Variants in PRR16 observed in about 807,000 individuals in gnomAD.
PRR16 encodes the protein proline rich 16.
A neutral mutation model predicts 18.2 loss-of-function variants in PRR16; 6 were observed. That is an observed-to-expected ratio of 0.33 (90% CI 0.18 to 0.65). PRR16 has a LOEUF of 0.65. PRR16 is among the 30% of genes least tolerant of loss of function. The pLI is 0.74. For synonymous variants in PRR16, 151 were observed against 147.8 expected (o/e 1.02, Z -0.16); for missense variants, 412 against 376.6 (o/e 1.09, Z -0.78).
the PRR16 span, among the ~76,000 whole-genome samples, chr5:120,745,696 AT>A: frequency 1.3e-5 from 2 of 149,698 alleles, no homozygotes; most frequent in Non-Finnish European, 3.0e-5. Context: ...TTATTTATTT[AT>A]TTATTTATTT....
intron 1 of PRR16, among the ~76,000 whole-genome samples, chr5:120,655,724 A>C (rs1475869795): frequency 1.8e-3 from 14 of 7,620 alleles, no homozygotes; most frequent in Non-Finnish European, 8.1e-3. Context: ...ATAGCAATTG[A>C]CTTTTTTTTT....
intron 1 of PRR16, chr5:120,658,039 G>A (rs1182913626): frequency 6.6e-6 from 1 of 151,880 alleles, no homozygotes; most frequent in African/African-American, 2.4e-5. Flanking sequence ...TGATGTTGTT[G>A]TTGTTGTTGT....
the PRR16 span, among the ~76,000 whole-genome samples, chr5:120,765,803 C>CCTGATTTCTAATCCCACTGTTTAGTTTT: frequency 1.3e-5 from 2 of 151,958 alleles, no homozygotes; most frequent in African/African-American, 4.8e-5. Context: ...TAATTTCTTT[C>CCTGATTTCTAATCCCACTGTTTAGTTTT]CTGATTTCTA....
In PRR16 at chr5:120,596,247, C is replaced by A. The variant is rs186699413; in HGVS notation, c.160-89707C>A. 4.0e-3 allele frequency among the ~76,000 whole-genome samples: 611 copies of A among 151,164 alleles called. 8 individuals carry two copies. Among genetic ancestry groups the A allele is most frequent in the South Asian group, 0.013 (61 of 4,800 alleles). Reference sequence around the variant, plus strand: ...AACCTGCTGAAGCTTATGGGAAAGTCTTTTTCTTTTCCTACATAAGGTACC... The same window carrying A: ...AACCTGCTGAAGCTTATGGGAAAGTATTTTTCTTTTCCTACATAAGGTACC... On this transcript the variant is annotated intron_variant, in intron 1 of 1. Transcript: ENST00000407149.
At chr5:120,583,097 G>A (rs1270496722) in intron 1 of PRR16, among the ~76,000 whole-genome samples, 1 of 152,216 alleles carries the variant, frequency 6.6e-6, no homozygotes, top group African/African-American at 2.4e-5. Context: ...TATGGTGGCT[G>A]TGTTCCAAGA....
At chr5:120,735,871 T>C in the PRR16 span, among the ~76,000 whole-genome samples, 1 of 152,214 alleles carries the variant, frequency 6.6e-6, no homozygotes, top group Non-Finnish European at 1.5e-5. Flanking sequence ...CCTGTGTTTT[T>C]GTGTTATTCA....
At chr5:120,528,416 T>C (rs1369661584) in intron 1 of PRR16, among the ~76,000 whole-genome samples, 2 of 152,158 alleles carry the variant, frequency 1.3e-5, no homozygotes, top group Non-Finnish European at 2.9e-5. Flanking sequence ...CTCAAGATAC[T>C]GACCAACTCT....
At chr5:120,504,403 T>C (rs1405788491) in intron 1 of PRR16, among the ~76,000 whole-genome samples, 1 of 152,214 alleles carries the variant, frequency 6.6e-6, no homozygotes, top group Non-Finnish European at 1.5e-5. Context: ...TCCTGCCAAG[T>C]GTTTCTTAAA....
chr5:120,488,780 G>A (rs1444418594), intron 1 of PRR16, among the ~76,000 whole-genome samples: 2 of 151,938 alleles, frequency 1.3e-5, no homozygotes, highest in East Asian at 3.9e-4. Context: ...TCTCTTGTGT[G>A]CATTTAGTGC....
At chr5:120,623,092 G>T (rs7737318) in intron 1 of PRR16, among the ~76,000 whole-genome samples, 59,133 of 151,734 alleles carry the variant, frequency 0.39, 12,153 homozygotes, top group Middle Eastern at 0.53. Context: ...ACTATTTACA[G>T]AATATACCAC....
intron 1 of PRR16, among the ~76,000 whole-genome samples, chr5:120,466,719 G>A (rs974032933): frequency 2.6e-5 from 4 of 152,092 alleles, no homozygotes; most frequent in African/African-American, 4.8e-5. Flanking sequence ...TTGTTTATAA[G>A]AGGAATAAAA....
At chr5:120,768,351 A>G in the PRR16 span, among the ~76,000 whole-genome samples, 6,557 of 151,836 alleles carry the variant, frequency 0.043, 186 homozygotes, top group South Asian at 0.078. Flanking sequence ...TAAATTATTC[A>G]TTTTAATCCC....
chr5:120,475,917 T>C (rs1749426638), intron 1 of PRR16, among the ~76,000 whole-genome samples: 1 of 151,848 alleles, frequency 6.6e-6, no homozygotes, highest in African/African-American at 2.4e-5. Flanking sequence ...TATGGAAGAG[T>C]ATTAAGGGTT....
At chr5:120,688,704 T>C (rs554532111), downstream of PRR16, among the ~76,000 whole-genome samples, 1 of 152,310 alleles carries the variant, frequency 6.6e-6, no homozygotes, top group Non-Finnish European at 1.5e-5. Flanking sequence ...TGTGACCTAA[T>C]AATCACCCTA....
intron 1 of PRR16, among the ~76,000 whole-genome samples, chr5:120,684,382 C>G (rs1757057611): frequency 6.6e-6 from 1 of 152,070 alleles, no homozygotes. Context: ...CGTCTAGATG[C>G]TTTTGGTGTT....
rs149293336 is a variant in PRR16 at position 120,508,032 on chromosome 5, C to T, written c.159+43387C>T. ...CCACTAAATAACTATATTTCTCAAC[C>T]TCTCCTACTAAATTGTGGTGCAGTC... is the stretch of plus-strand genomic sequence containing the variant. On this transcript the variant is annotated intron_variant, in intron 1 of 1. Transcript: ENST00000407149. 5.8e-3 allele frequency among the ~76,000 whole-genome samples: 885 copies of T among 152,210 alleles called. 11 individuals carry two copies. The highest frequency in any genetic ancestry group is 0.019 in the African/African-American group (798 of 41,554).
the PRR16 span, among the ~76,000 whole-genome samples, chr5:120,756,910 A>T: frequency 1.3e-5 from 2 of 152,060 alleles, no homozygotes; most frequent in Admixed American, 6.6e-5. Context: ...TTTCTTGGGG[A>T]AACCTAAAGT....
At chr5:120,596,441 A>G (rs1182424198) in intron 1 of PRR16, among the ~76,000 whole-genome samples, 2 of 151,672 alleles carry the variant, frequency 1.3e-5, no homozygotes, top group Admixed American at 6.6e-5. Flanking sequence ...TGAAACTTCT[A>G]TGTATTTGGG....
intron 1 of PRR16, among the ~76,000 whole-genome samples, chr5:120,552,394 G>A (rs1395582911): frequency 6.6e-6 from 1 of 151,800 alleles, no homozygotes; most frequent in Non-Finnish European, 1.5e-5. Context: ...AAACAATAAG[G>A]TGTACATATT....
Sources: allele counts gnomAD v4.1 joint callset (sites outside exome capture counted in the v4.1 genomes callset), GRCh38; gene constraint gnomAD v4.1.1; transcripts MANE v1.5; gene names NCBI Gene and HGNC (gene_info 2026-07-23, HGNC 2026-07-21).